The following TTC14 variants were observed in gnomAD, a reference collection of about 807,000 sequenced individuals.
TTC14 encodes tetratricopeptide repeat domain 14.
A neutral mutation model predicts 79.9 loss-of-function variants in TTC14; 63 were observed. That is an observed-to-expected ratio of 0.79 (90% CI 0.64 to 0.97). TTC14 has a LOEUF of 0.97. TTC14 is among the 50% of genes least tolerant of loss of function. TTC14 has a pLI of 0.00. For synonymous variants in TTC14, 335 were observed against 309.6 expected (o/e 1.08, Z -0.86); for missense variants, 895 against 894.0 (o/e 1.00, Z -0.01).
chr3:180,603,884 A>G (rs1716527131), intron 3 of TTC14: 2 of 283,818 alleles, frequency 7.0e-6, no homozygotes. Context: ...ATAACAGACA[A>G]AATACTTTGG....
At position 180,606,600 on chromosome 3, in the gene TTC14, G is replaced by C. The variant is rs1716706632; in HGVS notation, c.1169G>C (p.Gly390Ala). The C allele has an allele frequency of 6.2e-7, 1 of 1,610,564 alleles. No individual in the cohort carries two copies. Among genetic ancestry groups the C allele is most frequent in the Non-Finnish European group, 8.5e-7 (1 of 1,179,066 alleles). ...TGCCAGACACTTGTAGAGAGAGGAG[G>C]ACAGTAAGTATCAGATTTTGTTTAA... ...YLCQTLVERG[G>A]QLEEEEKFLN... is the part of the protein sequence containing the mutation. Residue 390 changes from glycine to alanine, a missense_variant, in exon 9 of 12, where the codon GGA becomes GCA. Gly to Ala is a moderately conservative substitution (Grantham distance 60, BLOSUM62 0). Coordinates refer to ENST00000296015, the MANE Select transcript of TTC14 (RefSeq NM_133462.4).
intron 12 of TTC14, chr3:180,616,599 G>A: frequency 6.2e-7 from 1 of 1,600,540 alleles, no homozygotes; most frequent in Non-Finnish European, 8.5e-7. Context: ...ATAACTTTGT[G>A]AAACTGTTTC....
intron 3 of TTC14, 186 bp downstream of exon 3, chr3:180,603,509 G>A (rs1716502937): frequency 1.7e-6 from 1 of 594,164 alleles, no homozygotes. Flanking sequence ...CTCCATTTCT[G>A]GTTTTTGGGA....
At chr3:180,605,119 T>C in intron 6 of TTC14, 112 bp downstream of exon 6, 2 of 1,052,274 alleles carry the variant, frequency 1.9e-6, no homozygotes. Flanking sequence ...GTAGCAGGCA[T>C]ATGCCAAAGG....
chr3:180,612,441 G>A (rs963672192), downstream of TTC14, among the ~76,000 whole-genome samples: 8 of 152,090 alleles, frequency 5.3e-5, no homozygotes, highest in Admixed American at 1.3e-4. Flanking sequence ...CAGCATTGGC[G>A]TAGGCAGAAT....
rs188622550 is a variant in TTC14, at chr3:180,607,552, C to T, written c.1173-96C>T. On this transcript the variant is annotated intron_variant, in intron 9 of 11. Transcript: ENST00000296015. ...TGGAAAATAATTTACTTGGCTTTTC[C>T]CTAATAAGCTCTCTCATATAAGCCT... is the stretch of plus-strand genomic sequence containing the variant. 7.3e-6 allele frequency: 10 copies of T among 1,374,554 alleles called. No homozygotes were observed. In the Admixed American group the frequency reaches 2.4e-4, roughly 33 times the overall value. 85.1% of individuals were successfully genotyped at this position (1,374,554 alleles called of 1,614,324 possible).
chr3:180,618,320 A>T (rs977815034), downstream of TTC14, among the ~76,000 whole-genome samples: 1 of 152,184 alleles, frequency 6.6e-6, no homozygotes, highest in Non-Finnish European at 1.5e-5. Context: ...TAAAACAATG[A>T]CAATTGAAAT....
At chr3:180,614,778 C>A, downstream of TTC14, 1 of 656,266 alleles carries the variant, frequency 1.5e-6, no homozygotes, top group Non-Finnish European at 2.4e-6. Context: ...TGAGAACGTT[C>A]CTTTTTTTTT....
chr3:180,606,390 G>A lies in TTC14; in HGVS notation c.1049+18G>A. The A allele has an allele frequency of 6.2e-7, 1 of 1,613,704 alleles. No individual in the cohort carries two copies. ...GGAGCATTGTAAGTGAATCATACAT[G>A]GATTTTAAGGAATGTTTACCAGGTA... On this transcript the variant is annotated intron_variant, in intron 8 of 11. Transcript: ENST00000296015.
chr3:180,616,405 T>C, intron 12 of TTC14: 6 of 1,543,110 alleles, frequency 3.9e-6, no homozygotes, highest in Non-Finnish European at 4.4e-6. Flanking sequence ...CTACCTACTG[T>C]TTTTTAGAAG....
chr3:180,604,984 A>G lies in TTC14; in HGVS notation c.834A>G (p.Pro278=), dbSNP rs373400720. Residue 278 remains proline, a synonymous_variant, in exon 6 of 12, where the codon CCA becomes CCG. Coordinates refer to ENST00000296015, the MANE Select transcript of TTC14 (RefSeq NM_133462.4). ...EKLGIDESNP[P]SLMRGLQSKN... ...TAGGAATAGATGAATCTAATCCACC[A>G]TCTTTAATGAGAGGCCTACAAAGGT... 54 of 1,613,130 alleles carry G rather than the reference A, an allele frequency of 3.3e-5. No homozygotes were observed. The highest frequency in any genetic ancestry group is 4.2e-5 in the Non-Finnish European group (49 of 1,179,748).
rs776779385 is a variant in TTC14 at position 180,602,248 on chromosome 3, T to C, written c.-14T>C. ...TATCAGCCCGTCGGCCTCCGGGCCC[T>C]GCATTCTCTAGCCATGGACCGGGAC... On this transcript the variant is annotated 5_prime_UTR_variant, in exon 1 of 12. Coordinates refer to ENST00000296015, the MANE Select transcript of TTC14 (RefSeq NM_133462.4). 1 of 1,613,408 alleles carries C rather than the reference T, an allele frequency of 6.2e-7. No individual in the cohort carries two copies. Among genetic ancestry groups the C allele is most frequent in the Non-Finnish European group, 8.5e-7 (1 of 1,179,736 alleles).
At position 180,606,587 on chromosome 3, in the gene TTC14, G is replaced by A. The variant is rs1331774810; in HGVS notation, c.1156G>A (p.Val386Ile). The change falls in exon 9 of 12, where the codon GTA becomes ATA. Residue 386 changes from valine to isoleucine, a missense_variant. By Grantham distance (29) the Val-to-Ile change is conservative. Transcript: ENST00000296015. ...AAGAAAATACCTCTGCCAGACACTTGTAGAGAGAGGAGGACAGTAAGTATC... is the reference window on the plus strand; with the variant it reads ...AAGAAAATACCTCTGCCAGACACTTATAGAGAGAGGAGGACAGTAAGTATC... ...NARKYLCQTL[V>I]ERGGQLEEEE... is the part of the protein sequence containing the mutation. 1 of 1,613,640 alleles carries A rather than the reference G, an allele frequency of 6.2e-7. No individual in the cohort carries two copies. Among genetic ancestry groups the A allele is most frequent in the Non-Finnish European group, 8.5e-7 (1 of 1,179,836 alleles).
chr3:180,602,522 G>C, intron 1 of TTC14, 100 bp downstream of exon 1: 1 of 1,431,706 alleles, frequency 7.0e-7, no homozygotes. Flanking sequence ...GTGGAGCCGC[G>C]GCCGTGAGCA....
chr3:180,604,315 T>G lies in TTC14; in HGVS notation c.571+6T>G. 1.9e-6 allele frequency: 3 copies of G among 1,604,528 alleles called. No homozygotes were observed. Among genetic ancestry groups the G allele is most frequent in the Non-Finnish European group, 2.5e-6 (3 of 1,176,738 alleles). ...AACTGGTGACATCATTCGAGGTGAT[T>G]AGTTTCATCATACTAATAAAAAAGT... On this transcript the variant is annotated splice_donor_region_variant and intron_variant, in intron 4 of 11. Transcript: ENST00000296015.
In TTC14 at chr3:180,610,890, T is replaced by A. The variant is rs556893771; in HGVS notation, c.*348T>A. 6 of 987,864 alleles carry A rather than the reference T, an allele frequency of 6.1e-6. No individual in the cohort carries two copies. The African/African-American group carries it at 8.7e-5, about 14-fold the overall frequency. 61.2% of individuals were successfully genotyped at this position (987,864 alleles called of 1,614,324 possible). On this transcript the variant is annotated 3_prime_UTR_variant, in exon 12 of 12. Transcript: ENST00000296015. ...CTTATTCTGCTGTTTGAGAGAAAAA[T>A]TTGTGCATTGAACACTTGGATCATT...
chr3:180,604,469 T>G lies in TTC14; in HGVS notation c.572-9T>G, dbSNP rs775714693. ...TAATCAGCTTAGTTCTCTTTTTTTTTTTCTTAAGCTGGAATCAAGGATATT... is the reference window on the plus strand; with the variant it reads ...TAATCAGCTTAGTTCTCTTTTTTTTGTTCTTAAGCTGGAATCAAGGATATT... On this transcript the variant is annotated splice_polypyrimidine_tract_variant and intron_variant, in intron 4 of 11. Coordinates refer to ENST00000296015, the MANE Select transcript of TTC14 (RefSeq NM_133462.4). 2 of 1,577,580 alleles carry G rather than the reference T, an allele frequency of 1.3e-6. No homozygotes were observed. Among genetic ancestry groups the G allele is most frequent in the African/African-American group, 2.8e-5 (2 of 72,430 alleles).
In TTC14 at chr3:180,606,435, A is replaced by G. The variant is rs1329236593; in HGVS notation, c.1050-46A>G. On this transcript the variant is annotated intron_variant, in intron 8 of 11. Coordinates refer to ENST00000296015, the MANE Select transcript of TTC14 (RefSeq NM_133462.4). ...CAGGTAAATGCGAACAAGATTTATGAAGAGCTTGTGAGATACAGCCCTCTA... is the reference window on the plus strand; with the variant it reads ...CAGGTAAATGCGAACAAGATTTATGGAGAGCTTGTGAGATACAGCCCTCTA... The G allele has an allele frequency of 2.5e-6, 4 of 1,613,046 alleles. No individual in the cohort carries two copies. In the Admixed American group the frequency reaches 6.7e-5, roughly 27 times the overall value.
At chr3:180,617,949 AT>A (rs1457647050), downstream of TTC14, 1 of 153,240 alleles carries the variant, frequency 6.5e-6, no homozygotes, top group African/African-American at 2.4e-5. Flanking sequence ...CGCAAGCTCC[AT>A]TTATGGTAAG....
Sources: allele counts gnomAD v4.1 joint callset (sites outside exome capture counted in the v4.1 genomes callset), GRCh38; gene constraint gnomAD v4.1.1; transcripts MANE v1.5; gene names NCBI Gene and HGNC (gene_info 2026-07-23, HGNC 2026-07-21).